The following DENND4A variants were observed in gnomAD, a reference collection of about 807,000 sequenced individuals.
DENND4A encodes C-myc promoter-binding protein.
Under a neutral mutation model 199.3 loss-of-function variants are expected in DENND4A, and 70 were observed. The ratio of observed to expected loss-of-function variants is 0.35; its 90% CI spans 0.29 to 0.43. The LOEUF is 0.43. Among genes scored for constraint, DENND4A ranks in the 20% least tolerant of loss-of-function variants. The pLI, the probability that DENND4A is intolerant of heterozygous loss-of-function variation, is 1.00. For synonymous variants in DENND4A, 686 were observed against 766.9 expected (o/e 0.89, Z 1.74); for missense variants, 1,723 against 2,255.8 (o/e 0.76, Z 4.78).
chr15:65,686,307 A>G (rs2076778053), intron 23 of DENND4A, among the ~76,000 whole-genome samples: 1 of 152,204 alleles, frequency 6.6e-6, no homozygotes, highest in Non-Finnish European at 1.5e-5. Context: ...ACTGTACTGT[A>G]TACACTTGAA....
chr15:65,668,266 T>C, intron 27 of DENND4A, 143 bp from the exon 28 acceptor site: 1 of 619,074 alleles, frequency 1.6e-6, no homozygotes, highest in Non-Finnish European at 2.6e-6. Context: ...TGGACTGCAG[T>C]GGTGTGATCT....
At chr15:65,742,479 G>A (rs1217371135) in intron 4 of DENND4A, among the ~76,000 whole-genome samples, 2 of 147,180 alleles carry the variant, frequency 1.4e-5, no homozygotes, top group Non-Finnish European at 1.5e-5. Flanking sequence ...AGATAGAGTC[G>A]CAATGGTGCA....
intron 23 of DENND4A, among the ~76,000 whole-genome samples, chr15:65,688,963 C>A (rs1567006861): frequency 6.6e-6 from 1 of 152,116 alleles, no homozygotes; most frequent in Non-Finnish European, 1.5e-5. Flanking sequence ...TATTCTCACC[C>A]CAATTCCTAA....
intron 24 of DENND4A, among the ~76,000 whole-genome samples, chr15:65,674,730 T>A (rs543407403): frequency 8.2e-5 from 12 of 146,270 alleles, no homozygotes; most frequent in Admixed American, 7.5e-4. Context: ...TGAGACCCTA[T>A]CTTAAAAAAA....
At chr15:65,769,661 T>C (rs926025431) in intron 1 of DENND4A, among the ~76,000 whole-genome samples, 7 of 149,994 alleles carry the variant, frequency 4.7e-5, no homozygotes, top group African/African-American at 1.7e-4. Flanking sequence ...TGCTTATCTT[T>C]TGTTTATTTT....
At chr15:65,733,213 G>T (rs2076013045) in intron 7 of DENND4A, among the ~76,000 whole-genome samples, 1 of 152,094 alleles carries the variant, frequency 6.6e-6, no homozygotes, top group African/African-American at 2.4e-5. Flanking sequence ...CAGAAAAAAT[G>T]AAACAGTTTA....
At chr15:65,727,892 A>C in intron 11 of DENND4A, 1 of 339,042 alleles carries the variant, frequency 2.9e-6, no homozygotes, top group South Asian at 2.4e-5. Context: ...AAAGAAATGA[A>C]AACATAAAAC....
chr15:65,760,692 C>T (rs1378257487), intron 2 of DENND4A, among the ~76,000 whole-genome samples: 1 of 152,012 alleles, frequency 6.6e-6, no homozygotes, highest in African/African-American at 2.4e-5. Flanking sequence ...AGTTCAAGAC[C>T]AGCCTGGCCA....
intron 32 of DENND4A, 43 bp from the exon 33 acceptor site, chr15:65,662,030 G>T: frequency 1.3e-6 from 2 of 1,531,168 alleles, no homozygotes; most frequent in South Asian, 1.2e-5. Context: ...AGAAATTTAG[G>T]TCTGATGTTG....
intron 23 of DENND4A, among the ~76,000 whole-genome samples, chr15:65,681,993 G>C (rs1230867516): frequency 6.6e-6 from 1 of 152,228 alleles, no homozygotes; most frequent in Non-Finnish European, 1.5e-5. Context: ...AGTAAACCAT[G>C]TTGTAAACAG....
intron 24 of DENND4A, among the ~76,000 whole-genome samples, chr15:65,672,926 T>G (rs1007120749): frequency 6.6e-6 from 1 of 151,602 alleles, no homozygotes; most frequent in African/African-American, 2.4e-5. Context: ...AGTAGCCTGA[T>G]CTCGGCTAAC....
chr15:65,784,438 C>T (rs766431380), intron 1 of DENND4A, among the ~76,000 whole-genome samples: 1 of 148,760 alleles, frequency 6.7e-6, no homozygotes, highest in Non-Finnish European at 1.5e-5. Context: ...GGCAACATGA[C>T]GAGACCCCCA....
At chr15:65,765,368 A>AT (rs1003038946) in intron 1 of DENND4A, among the ~76,000 whole-genome samples, 2 of 152,240 alleles carry the variant, frequency 1.3e-5, no homozygotes, top group African/African-American at 4.8e-5. Flanking sequence ...CTGCAGCTAC[A>AT]TGTGCTAAGC....
chr15:65,748,352 T>C (rs2076467982), intron 4 of DENND4A, among the ~76,000 whole-genome samples: 1 of 151,866 alleles, frequency 6.6e-6, no homozygotes, highest in Non-Finnish European at 1.5e-5. Flanking sequence ...GCAAAGTCAC[T>C]CATGCCTGCA....
At chr15:65,711,449 T>C (rs991050779) in intron 14 of DENND4A, among the ~76,000 whole-genome samples, 4 of 152,048 alleles carry the variant, frequency 2.6e-5, no homozygotes, top group African/African-American at 9.7e-5. Context: ...GCTGAGATCG[T>C]GCCACAGCAC....
chr15:65,731,757 ACTTT>A, intron 8 of DENND4A, 57 bp from the exon 9 acceptor site: 1 of 1,193,194 alleles, frequency 8.4e-7, no homozygotes, highest in Non-Finnish European at 1.2e-6. Context: ...TTAAAACACC[ACTTT>A]CTGTTAAAAA....
At chr15:65,667,867 A>G in intron 28 of DENND4A, 58 bp downstream of exon 28, 7 of 1,559,186 alleles carry the variant, frequency 4.5e-6, no homozygotes, top group Non-Finnish European at 6.0e-6. Context: ...AGACAAGGGG[A>G]ACAAAATCAT....
rs371669226 is a variant in DENND4A, at chr15:65,741,640, G to A, written c.631+75C>T. 1.7e-4 allele frequency: 207 copies of A among 1,224,826 alleles called. No individual in the cohort carries two copies. In the African/African-American group the frequency reaches 2.8e-3, roughly 16 times the overall value. The allele number at this position is 1,224,826 out of a possible 1,614,324, so 75.9% of individuals were successfully genotyped here. ...TCCTGATACTAACACAGACTAGGCA[G>A]GTTTCTTTACTTTAACCTTTCCGGG... is the stretch of plus-strand genomic sequence containing the variant. On this transcript the variant is annotated intron_variant, in intron 5 of 32. Transcript: ENST00000443035.
At chr15:65,744,862 C>G (rs2076348690) in intron 4 of DENND4A, among the ~76,000 whole-genome samples, 1 of 152,056 alleles carries the variant, frequency 6.6e-6, no homozygotes, top group Non-Finnish European at 1.5e-5. Context: ...ATATACCTGT[C>G]AAAAGCCAGG....
Sources: allele counts gnomAD v4.1 joint callset (sites outside exome capture counted in the v4.1 genomes callset), GRCh38; gene constraint gnomAD v4.1.1; transcripts MANE v1.5; gene names NCBI Gene and HGNC (gene_info 2026-07-23, HGNC 2026-07-21).